PHF21B: variants seen among roughly 807,000 people sequenced by gnomAD.
PHF21B encodes the protein PHD finger protein 21B.
Under a neutral mutation model 62.2 loss-of-function variants are expected in PHF21B, and 22 were observed. The observed-to-expected ratio is 0.35, with a 90% CI of 0.25 to 0.51. The LOEUF (loss-of-function observed/expected upper bound fraction) is 0.51, where lower values mean the gene tolerates loss of function less well. Among genes scored for constraint, PHF21B ranks in the 20% least tolerant of loss-of-function variants. The pLI, the probability that PHF21B is intolerant of heterozygous loss-of-function variation, is 0.97. For synonymous variants in PHF21B, 341 were observed against 314.7 expected (o/e 1.08, Z -0.88); for missense variants, 701 against 707.9 (o/e 0.99, Z 0.11).
chr22:44,951,766 A>T (rs181405187), intron 2 of PHF21B, among the ~76,000 whole-genome samples: 9 of 152,266 alleles, frequency 5.9e-5, no homozygotes, highest in African/African-American at 2.2e-4. Flanking sequence ...TTGGTGAGTC[A>T]GGCACTCATT....
chr22:44,969,268 G>A (rs935602525), intron 2 of PHF21B: 5 of 152,260 alleles, frequency 3.3e-5, no homozygotes, highest in South Asian at 2.1e-4. Flanking sequence ...AAGCTGCCTC[G>A]TTCTTCCACC....
intron 5 of PHF21B, among the ~76,000 whole-genome samples, chr22:44,905,452 G>A (rs1052373242): frequency 2.6e-5 from 4 of 151,914 alleles, no homozygotes; most frequent in African/African-American, 9.7e-5. Flanking sequence ...TCCTTTCTTT[G>A]TGGATCTTAA....
rs1217043535 is a variant in PHF21B, at chr22:44,949,303, AAAAAAAG to A, written c.121-28820_121-28814del. 5.2e-3 allele frequency among the ~76,000 whole-genome samples: 543 copies of A among 104,636 alleles called. 4 individuals carry two copies. The highest frequency in any genetic ancestry group is 0.013 in the African/African-American group (306 of 24,058). The allele number at this position is 104,636 out of a possible 152,430, so 68.6% of individuals were successfully genotyped here. A position where few individuals can be genotyped will look rare whatever the true frequency, so the allele number is the denominator to read the frequency against. ...GTAACAAGAGCGAAACTCCATCTCA[AAAAAAAG>A]AAAAAAAAAAAAAAAGAAAAAAGAG... On this transcript the variant is annotated intron_variant, in intron 2 of 12. Transcript: ENST00000313237.
intron 2 of PHF21B, among the ~76,000 whole-genome samples, chr22:44,986,664 A>G (rs915040340): frequency 1.3e-5 from 2 of 152,134 alleles, no homozygotes; most frequent in South Asian, 4.1e-4. Flanking sequence ...AGGCCAGATA[A>G]TAAAAGCCCC....
At chr22:45,008,933 G>T (rs986183283) in intron 1 of PHF21B, 2 of 1,107,600 alleles carry the variant, frequency 1.8e-6, no homozygotes, top group Non-Finnish European at 2.2e-6. Context: ...TGCCGGGGGA[G>T]GGGGGAGGAA....
At chr22:44,885,202 T>C (rs1368499003) in intron 12 of PHF21B, among the ~76,000 whole-genome samples, 2 of 152,304 alleles carry the variant, frequency 1.3e-5, no homozygotes, top group East Asian at 3.9e-4. Context: ...CACATCTGCC[T>C]GTCCCCAGGC....
At chr22:45,007,230 C>G (rs571593528) in intron 2 of PHF21B, among the ~76,000 whole-genome samples, 17 of 44,548 alleles carry the variant, frequency 3.8e-4, no homozygotes, top group East Asian at 2.4e-3. Context: ...CCGGCCCCCC[C>G]CAAAACCCGC....
chr22:45,007,708 CGG>C (rs1569290246), intron 2 of PHF21B, among the ~76,000 whole-genome samples: 5 of 19,712 alleles, frequency 2.5e-4, no homozygotes. Context: ...TGTGCGAGCG[CGG>C]GGAAGGGGCG....
intron 5 of PHF21B, among the ~76,000 whole-genome samples, chr22:44,896,880 G>GTTTTTTGTTTT (rs758015779): frequency 1.2e-5 from 1 of 84,092 alleles, no homozygotes; most frequent in African/African-American, 4.1e-5. Flanking sequence ...AGTTTTATCT[G>GTTTTTTGTTTT]TTTTTTTTTT....
rs1245285387 is a variant in PHF21B, at chr22:44,916,285, TGTC to T, written c.556_558del (p.Asp186del). ...GCCTGCTGGTGGGCACTCACCTTGTTGTCAGCACTGATGAGGAGGGGCTGGACT... is the reference window on the plus strand; with the variant it reads ...GCCTGCTGGTGGGCACTCACCTTGTTAGCACTGATGAGGAGGGGCTGGACT... On this transcript the variant is annotated inframe_deletion, in exon 4 of 13. Coordinates refer to ENST00000313237, the MANE Select transcript of PHF21B (RefSeq NM_138415.5). 5 of 1,608,612 alleles carry T rather than the reference TGTC, an allele frequency of 3.1e-6. No individual in the cohort carries two copies. Among genetic ancestry groups the T allele is most frequent in the Non-Finnish European group, 4.2e-6 (5 of 1,179,114 alleles).
rs762979 is a variant in PHF21B, at chr22:44,882,185, A to T, written c.*901T>A. The stretch of plus-strand genomic sequence containing the variant: ...ATACTTATCGGCTCTTCCAAAGGAG[A>T]CAAGAAAGGGCTTCAGTCGTTAAGT... On this transcript the variant is annotated 3_prime_UTR_variant, in exon 13 of 13. Coordinates refer to ENST00000313237, the MANE Select transcript of PHF21B (RefSeq NM_138415.5). 55,231 of 152,546 alleles carry T rather than the reference A, an allele frequency of 0.36. 11,970 individuals carry two copies. The highest frequency in any genetic ancestry group is 0.49 in the Non-Finnish European group (33,099 of 67,974). The allele number at this position is 152,546 out of a possible 1,614,324, so 9.4% of individuals were successfully genotyped here. A position where few individuals can be genotyped will look rare whatever the true frequency, so the allele number is the denominator to read the frequency against.
chr22:44,994,112 C>T (rs902998381), intron 2 of PHF21B, among the ~76,000 whole-genome samples: 1 of 152,198 alleles, frequency 6.6e-6, no homozygotes, highest in Non-Finnish European at 1.5e-5. Context: ...TGCGTCGGCC[C>T]GGGGCATCCC....
At chr22:44,993,108 G>A (rs769148077) in intron 2 of PHF21B, among the ~76,000 whole-genome samples, 1 of 152,174 alleles carries the variant, frequency 6.6e-6, no homozygotes, top group Non-Finnish European at 1.5e-5. Context: ...ACGTGAACCT[G>A]AAATGCCACA....
At position 44,934,941 on chromosome 22, in the gene PHF21B, C is replaced by T. The variant is rs532649220; in HGVS notation, c.121-14451G>A. 1.2e-4 allele frequency among the ~76,000 whole-genome samples: 18 copies of T among 152,210 alleles called. No individual in the cohort carries two copies. In the South Asian group the frequency reaches 3.3e-3, roughly 28 times the overall value. On this transcript the variant is annotated intron_variant, in intron 2 of 12. Transcript: ENST00000313237. ...AGCCCTCGCTGAGACCTTCCAGGAG[C>T]GTGGGAAGAGAAGACATGTGGCGCT...
At chr22:44,961,860 A>G (rs1353241091) in intron 2 of PHF21B, among the ~76,000 whole-genome samples, 1 of 148,334 alleles carries the variant, frequency 6.7e-6, no homozygotes. Context: ...AAATAAATAA[A>G]TAAATAAATA....
chr22:44,986,681 T>G (rs2072955574), intron 2 of PHF21B, among the ~76,000 whole-genome samples: 1 of 152,156 alleles, frequency 6.6e-6, no homozygotes, highest in Non-Finnish European at 1.5e-5. Flanking sequence ...CCCCCATCTG[T>G]CCACTGCAAC....
At chr22:44,896,263 G>A (rs1273395207) in intron 5 of PHF21B, among the ~76,000 whole-genome samples, 180 bp from the exon 6 acceptor site, 1 of 152,224 alleles carries the variant, frequency 6.6e-6, no homozygotes, top group Admixed American at 6.5e-5. Context: ...GATTTCCAAA[G>A]AGAGTATCTA....
At chr22:44,943,566 GGC>G (rs1266942219) in intron 2 of PHF21B, among the ~76,000 whole-genome samples, 20 of 152,158 alleles carry the variant, frequency 1.3e-4, no homozygotes, top group African/African-American at 4.8e-4. Context: ...GCTTCCTCCA[GGC>G]CCCGCGGGCT....
chr22:44,969,511 C>T lies in PHF21B; in HGVS notation c.120+39034G>A, dbSNP rs549034572. Among the ~76,000 whole-genome samples, 30 of 152,186 alleles carry T rather than the reference C, an allele frequency of 2.0e-4. No individual in the cohort carries two copies. The South Asian group carries it at 6.0e-3, about 31-fold the overall frequency. ...TGAAACTCCGTCTCTACTAAAAATA[C>T]AAAAATTAGCCAGGCGTGGTGGTGG... is the stretch of plus-strand genomic sequence containing the variant. On this transcript the variant is annotated intron_variant, in intron 2 of 12. Transcript: ENST00000313237.
Sources: allele counts gnomAD v4.1 joint callset (sites outside exome capture counted in the v4.1 genomes callset), GRCh38; gene constraint gnomAD v4.1.1; transcripts MANE v1.5; gene names NCBI Gene and HGNC (gene_info 2026-07-23, HGNC 2026-07-21).